Variants in WWOX observed in about 807,000 individuals in gnomAD.
The protein encoded by WWOX is WW domain-containing oxidoreductase.
A neutral mutation model predicts 46.2 loss-of-function variants in WWOX; 69 were observed. The observed-to-expected ratio is 1.49, with a 90% CI of 1.23 to 1.82. The LOEUF is 1.82. Ranked by LOEUF, WWOX falls within the 40% of genes most tolerant of loss-of-function variation. WWOX has a pLI of 0.00. For missense variants in WWOX, 919 were observed against 542.6 expected (o/e 1.69, Z -6.89); for synonymous variants, 359 against 202.6 (o/e 1.77, Z -6.56).
intron 8 of WWOX, among the ~76,000 whole-genome samples, chr16:78,786,728 T>A (rs1014250960): frequency 2.0e-5 from 3 of 152,258 alleles, no homozygotes; most frequent in Non-Finnish European, 4.4e-5. Flanking sequence ...TCAATCACTG[T>A]TTCCTTTAAA....
In WWOX at chr16:79,108,551, A is replaced by T. The variant is rs1477923042; in HGVS notation, c.1057-103057A>T. On this transcript the variant is annotated intron_variant, in intron 8 of 8. Coordinates refer to ENST00000566780, the MANE Select transcript of WWOX (RefSeq NM_016373.4). ...CCACCATCTGGGCACTTCATATGCCATTCATACTTAAGGGTGATTGGCTAT... is the reference window on the plus strand; with the variant it reads ...CCACCATCTGGGCACTTCATATGCCTTTCATACTTAAGGGTGATTGGCTAT... Among the ~76,000 whole-genome samples the T allele has an allele frequency of 3.3e-5, 5 of 152,234 alleles. No homozygotes were observed. The East Asian group carries it at 9.6e-4, about 29-fold the overall frequency.
chr16:78,681,099 G>T (rs1417318229), intron 8 of WWOX, among the ~76,000 whole-genome samples: 2 of 152,156 alleles, frequency 1.3e-5, no homozygotes, highest in Non-Finnish European at 2.9e-5. Context: ...AAATGCAAAA[G>T]ATAGTTGAGC....
chr16:78,547,801 A>G (rs76126141), intron 8 of WWOX, among the ~76,000 whole-genome samples: 1 of 152,172 alleles, frequency 6.6e-6, no homozygotes, highest in East Asian at 1.9e-4. Context: ...GCTTTGCCTC[A>G]ATGACCTAAT....
intron 8 of WWOX, among the ~76,000 whole-genome samples, chr16:78,909,556 C>T (rs12443967): frequency 0.13 from 19,665 of 152,168 alleles, 1,647 homozygotes; most frequent in East Asian, 0.4. Context: ...CTCAGCCTCT[C>T]TTTGGCCTGT....
intron 7 of WWOX, among the ~76,000 whole-genome samples, chr16:78,431,603 G>A (rs1160337756): frequency 6.6e-6 from 1 of 151,252 alleles, no homozygotes; most frequent in African/African-American, 2.4e-5. Flanking sequence ...AAAAATATAT[G>A]TTAGAGGGTG....
intron 5 of WWOX, among the ~76,000 whole-genome samples, chr16:78,332,301 C>G (rs2080777320): frequency 6.6e-6 from 1 of 152,098 alleles, no homozygotes; most frequent in South Asian, 2.1e-4. Flanking sequence ...AAAATCCTTC[C>G]CAGAGAATTA....
chr16:79,101,571 A>C (rs540084487), intron 8 of WWOX: 1 of 152,232 alleles, frequency 6.6e-6, no homozygotes, highest in East Asian at 1.9e-4. Context: ...CTTCTTATCT[A>C]GCATCCCTGG....
chr16:78,643,579 A>G (rs1183805683), intron 8 of WWOX, among the ~76,000 whole-genome samples: 1 of 152,142 alleles, frequency 6.6e-6, no homozygotes, highest in African/African-American at 2.4e-5. Context: ...AGCCCCCTGT[A>G]GGAGAGGGAG....
chr16:78,419,136 G>A (rs556106938), intron 6 of WWOX, among the ~76,000 whole-genome samples: 8 of 152,226 alleles, frequency 5.3e-5, no homozygotes, highest in African/African-American at 1.9e-4. Flanking sequence ...TAAGTCAATT[G>A]TATTTCTATA....
intron 4 of WWOX, among the ~76,000 whole-genome samples, chr16:78,122,199 G>C (rs2033129536): frequency 6.6e-6 from 1 of 152,184 alleles, no homozygotes; most frequent in South Asian, 2.1e-4. Context: ...GTACTATCCA[G>C]TTTTCAGGCA....
At chr16:78,309,294 G>T (rs369622216) in intron 5 of WWOX, among the ~76,000 whole-genome samples, 1 of 152,092 alleles carries the variant, frequency 6.6e-6, no homozygotes, top group Non-Finnish European at 1.5e-5. Context: ...GCTTCCTGCC[G>T]CTTTGTGAAC....
intron 8 of WWOX, among the ~76,000 whole-genome samples, chr16:78,578,116 A>G (rs1041853617): frequency 1.3e-5 from 2 of 151,468 alleles, no homozygotes; most frequent in Non-Finnish European, 2.9e-5. Flanking sequence ...TCATCTTAAT[A>G]CAAGACACTA....
At chr16:78,441,549 T>A (rs1823293307) in intron 8 of WWOX, among the ~76,000 whole-genome samples, 1 of 151,824 alleles carries the variant, frequency 6.6e-6, no homozygotes, top group Non-Finnish European at 1.5e-5. Context: ...GCGGTGTGGG[T>A]ATGTTTGGAG....
At chr16:78,547,127 G>GAAAAAAAAAAAAAAAAAAA (rs199726097) in intron 8 of WWOX, among the ~76,000 whole-genome samples, 4 of 87,516 alleles carry the variant, frequency 4.6e-5, no homozygotes, top group Admixed American at 2.3e-4. Context: ...CCTTGTCTCA[G>GAAAAAAAAAAAAAAAAAAA]AAAAAAAAAA....
At chr16:78,292,793 T>G (rs764252333) in intron 5 of WWOX, among the ~76,000 whole-genome samples, 2 of 152,206 alleles carry the variant, frequency 1.3e-5, no homozygotes, top group Non-Finnish European at 2.9e-5. Flanking sequence ...CACACAGATC[T>G]TATTTGTAGA....
At chr16:78,768,354 C>G (rs997881241) in intron 8 of WWOX, among the ~76,000 whole-genome samples, 8 of 145,680 alleles carry the variant, frequency 5.5e-5, no homozygotes, top group African/African-American at 1.8e-4. Context: ...CTTTGGGAGG[C>G]TGAGGTGGGC....
intron 8 of WWOX, among the ~76,000 whole-genome samples, chr16:79,027,886 A>T (rs1020839284): frequency 6.6e-6 from 1 of 151,754 alleles, no homozygotes; most frequent in Admixed American, 6.6e-5. Context: ...TTGGAATGAG[A>T]TAATGTCTCA....
At chr16:78,179,418 C>T (rs1258348445) in intron 5 of WWOX, among the ~76,000 whole-genome samples, 3 of 152,148 alleles carry the variant, frequency 2.0e-5, no homozygotes, top group African/African-American at 4.8e-5. Flanking sequence ...TAACTTTCCC[C>T]ACTTGACAGA....
Position 78,801,590 on chromosome 16 carries a change from C to G in WWOX, c.1056+368838C>G, listed in dbSNP as rs148099748. Reference sequence around the variant, plus strand: ...CATTTGAATGCAGCCAAAGTCCTTACTGGGCAAATTTTTGAGCTCTCACCC... The same window carrying G: ...CATTTGAATGCAGCCAAAGTCCTTAGTGGGCAAATTTTTGAGCTCTCACCC... On this transcript the variant is annotated intron_variant, in intron 8 of 8. Transcript: ENST00000566780. 2.3e-4 allele frequency among the ~76,000 whole-genome samples: 35 copies of G among 152,290 alleles called. No individual in the cohort carries two copies. In the East Asian group the frequency reaches 6.8e-3, roughly 29 times the overall value.
Sources: allele counts gnomAD v4.1 joint callset (sites outside exome capture counted in the v4.1 genomes callset), GRCh38; gene constraint gnomAD v4.1.1; transcripts MANE v1.5; gene names NCBI Gene and HGNC (gene_info 2026-07-23, HGNC 2026-07-21).